The following TSC22D2 variants were observed in gnomAD, a reference collection of about 807,000 sequenced individuals.
The protein encoded by TSC22D2 is TSC22 domain family protein 2.
Under a neutral mutation model 50.1 loss-of-function variants are expected in TSC22D2, and 5 were observed. The ratio of observed to expected loss-of-function variants is 0.10; its 90% CI spans 0.05 to 0.21. The LOEUF (loss-of-function observed/expected upper bound fraction) is 0.21, where lower values mean the gene tolerates loss of function less well. TSC22D2 is among the 10% of genes least tolerant of loss of function. The pLI, the probability that TSC22D2 is intolerant of heterozygous loss-of-function variation, is 1.00. For missense variants in TSC22D2, 1,003 were observed against 1,015.5 expected, an observed-to-expected ratio of 0.99 and a Z score of 0.17; for synonymous variants, 501 against 450.1, an observed-to-expected ratio of 1.11 and a Z score of -1.43.
chr3:150,455,799 T>C (rs1721167116), intron 1 of TSC22D2, among the ~76,000 whole-genome samples: 1 of 152,192 alleles, frequency 6.6e-6, no homozygotes, highest in African/African-American at 2.4e-5. Flanking sequence ...TTTAGTAACA[T>C]ATAAAAAATT....
intron 1 of TSC22D2, chr3:150,422,966 A>G (rs1344237158): frequency 3.9e-6 from 4 of 1,032,874 alleles, no homozygotes; most frequent in African/African-American, 1.6e-5. Flanking sequence ...TTAGAAATCT[A>G]AAATCTTCCA....
At chr3:150,457,817 G>A (rs1042405310) in intron 2 of TSC22D2, among the ~76,000 whole-genome samples, 1 of 151,886 alleles carries the variant, frequency 6.6e-6, no homozygotes, top group South Asian at 2.1e-4. Context: ...TGTATTCTTA[G>A]TAGAGACGGG....
Position 150,408,300 on chromosome 3 carries a change from TCGGCAGCGGCGG to T in TSC22D2, c.-1041_-1030del, listed in dbSNP as rs1015365863. On this transcript the variant is annotated 5_prime_UTR_variant, in exon 1 of 3. Coordinates refer to ENST00000688009, the MANE Select transcript of TSC22D2 (RefSeq NM_001303264.2). ...GGCTGCGGCAGCGGCGGCATTTTAG[TCGGCAGCGGCGG>T]CGGCAGCGGGGCTGCTGCTCCTCCC... 6.5e-6 allele frequency: 1 copy of T among 153,392 alleles called. No individual in the cohort carries two copies. The highest frequency in any genetic ancestry group is 2.4e-5 in the African/African-American group (1 of 41,362). 9.5% of individuals were successfully genotyped at this position (153,392 alleles called of 1,614,324 possible). A position where few individuals can be genotyped will look rare whatever the true frequency, so the allele number is the denominator to read the frequency against.
intron 1 of TSC22D2, among the ~76,000 whole-genome samples, chr3:150,436,623 GACC>G (rs1720552116): frequency 1.3e-5 from 2 of 152,154 alleles, no homozygotes; most frequent in African/African-American, 2.4e-5. Context: ...TTAATGAAAT[GACC>G]ACAACTTTAA....
At chr3:150,422,389 T>C (rs1720039470) in intron 1 of TSC22D2, among the ~76,000 whole-genome samples, 1 of 152,064 alleles carries the variant, frequency 6.6e-6, no homozygotes, top group Non-Finnish European at 1.5e-5. Context: ...TAGGGAATGG[T>C]AGAAATGAAA....
At chr3:150,415,174 G>A (rs2108062185) in intron 1 of TSC22D2, among the ~76,000 whole-genome samples, 1 of 152,092 alleles carries the variant, frequency 6.6e-6, no homozygotes, top group East Asian at 1.9e-4. Flanking sequence ...TTCCAAAAAG[G>A]CTTACGATTT....
chr3:150,464,886 A>G lies in TSC22D2; in HGVS notation c.*6250A>G, dbSNP rs562708720. On this transcript the variant is annotated 3_prime_UTR_variant, in exon 3 of 3. Coordinates refer to ENST00000688009, the MANE Select transcript of TSC22D2 (RefSeq NM_001303264.2). ...TTGATTTAAATCAAAGTTAACTAGA[A>G]TAGGATTCATGTGTCATGAATTATA... The G allele has an allele frequency of 2.6e-5, 4 of 152,348 alleles. No homozygotes were observed. The South Asian group carries it at 8.3e-4, about 32-fold the overall frequency. 9.4% of individuals were successfully genotyped at this position (152,348 alleles called of 1,614,324 possible).
chr3:150,440,047 CAT>C (rs1428874998), intron 1 of TSC22D2, among the ~76,000 whole-genome samples: 1 of 152,136 alleles, frequency 6.6e-6, no homozygotes, highest in African/African-American at 2.4e-5. Context: ...TTCACAAAGT[CAT>C]ATATTAATAG....
Position 150,410,292 on chromosome 3 carries a change from C to G in TSC22D2, c.942C>G (p.Pro314=), listed in dbSNP as rs2108054164. The change falls in exon 1 of 3, where the codon CCC becomes CCG. Residue 314 remains proline (P), a synonymous_variant. Coordinates refer to ENST00000688009, the MANE Select transcript of TSC22D2 (RefSeq NM_001303264.2). ...PMMAAAQPSQ[P]QGAGPGGQTL... is the part of the protein sequence containing the mutation. Reference sequence around the variant, plus strand: ...TGGCAGCCGCGCAGCCCAGCCAGCCCCAGGGAGCGGGGCCCGGGGGACAGA... The same window carrying G: ...TGGCAGCCGCGCAGCCCAGCCAGCCGCAGGGAGCGGGGCCCGGGGGACAGA... The G allele has an allele frequency of 1.9e-6, 3 of 1,563,738 alleles. No individual in the cohort carries two copies. Among genetic ancestry groups the G allele is most frequent in the South Asian group, 2.4e-5 (2 of 84,840 alleles).
intron 1 of TSC22D2, among the ~76,000 whole-genome samples, chr3:150,446,676 C>G (rs559831926): frequency 6.6e-6 from 1 of 152,072 alleles, no homozygotes; most frequent in Admixed American, 6.6e-5. Flanking sequence ...TGCTTGTGCT[C>G]TCCCTTTAGT....
chr3:150,421,378 CAGTT>C (rs1720004086), intron 1 of TSC22D2, among the ~76,000 whole-genome samples: 1 of 151,928 alleles, frequency 6.6e-6, no homozygotes, highest in Admixed American at 6.6e-5. Flanking sequence ...TCAATTGGTT[CAGTT>C]AGTTTTCATT....
chr3:150,417,324 G>A (rs1383653679), intron 1 of TSC22D2, among the ~76,000 whole-genome samples: 1 of 152,062 alleles, frequency 6.6e-6, no homozygotes, highest in African/African-American at 2.4e-5. Flanking sequence ...AAAGCCTCTA[G>A]TTTCTAAAGT....
In TSC22D2 at chr3:150,409,701, C is replaced by T; in HGVS notation, c.351C>T (p.Leu117=). The change falls in exon 1 of 3, where the codon CTC becomes CTT. Residue 117 remains leucine, a synonymous_variant. Transcript: ENST00000688009. The surrounding 1 kb of genome is among the most constrained non-coding windows in gnomAD (Gnocchi z 7.4). ...VVSARSVSGA[L]ASTLAAAATS... ...CGGCCCGGAGCGTGTCTGGGGCGCTCGCCAGTACCCTGGCGGCGGCTGCCA... is the reference window on the plus strand; with the variant it reads ...CGGCCCGGAGCGTGTCTGGGGCGCTTGCCAGTACCCTGGCGGCGGCTGCCA... 6.3e-7 allele frequency: 1 copy of T among 1,588,916 alleles called. No individual in the cohort carries two copies. The highest frequency in any genetic ancestry group is 8.5e-7 in the Non-Finnish European group (1 of 1,170,702).
intron 1 of TSC22D2, among the ~76,000 whole-genome samples, chr3:150,456,534 ACCATTTTTAGAAG>A (rs951693166): frequency 2.6e-5 from 4 of 151,834 alleles, no homozygotes; most frequent in African/African-American, 9.7e-5. Context: ...GACTTTCTGA[ACCATTTTTAGAAG>A]CCATTAAGTT....
intron 1 of TSC22D2, among the ~76,000 whole-genome samples, chr3:150,422,322 A>G (rs771356811): frequency 6.6e-6 from 1 of 152,190 alleles, no homozygotes; most frequent in Non-Finnish European, 1.5e-5. Context: ...GGTGAATCAT[A>G]CTTACTGGGA....
At chr3:150,439,900 A>G (rs995938370) in intron 1 of TSC22D2, among the ~76,000 whole-genome samples, 3 of 152,206 alleles carry the variant, frequency 2.0e-5, no homozygotes, top group African/African-American at 7.2e-5. Context: ...GAGCCAAGCC[A>G]CATTTAGTTT....
intron 1 of TSC22D2, among the ~76,000 whole-genome samples, chr3:150,423,800 G>A (rs934832927): frequency 2.6e-5 from 4 of 152,098 alleles, no homozygotes; most frequent in African/African-American, 7.2e-5. Flanking sequence ...CTGTTCAATC[G>A]TTTTGCTGAA....
intron 1 of TSC22D2, among the ~76,000 whole-genome samples, chr3:150,450,998 C>T (rs777522585): frequency 2.0e-4 from 30 of 152,014 alleles, no homozygotes; most frequent in Non-Finnish European, 3.2e-4. Context: ...TTAGGACTGC[C>T]CCCAAAGAAA....
intron 1 of TSC22D2, among the ~76,000 whole-genome samples, chr3:150,431,708 G>A (rs941953060): frequency 6.6e-6 from 1 of 152,160 alleles, no homozygotes; most frequent in African/African-American, 2.4e-5. Flanking sequence ...CAGCTGAAAC[G>A]ACTACTAGAG....
Sources: allele counts gnomAD v4.1 joint callset (sites outside exome capture counted in the v4.1 genomes callset), GRCh38; gene constraint gnomAD v4.1.1; non-coding constraint Gnocchi (gnomAD v3.1); transcripts MANE v1.5; gene names NCBI Gene and HGNC (gene_info 2026-07-23, HGNC 2026-07-21).